ADGRL3: variants seen among roughly 807,000 people sequenced by gnomAD.
ADGRL3 encodes calcium-independent alpha-latrotoxin receptor 3.
A neutral mutation model predicts 153.5 loss-of-function variants in ADGRL3; 62 were observed. The ratio of observed to expected loss-of-function variants is 0.40; its 90% CI spans 0.33 to 0.50. The LOEUF is 0.50. Ranked by LOEUF, ADGRL3 falls within the 20% of genes least tolerant of loss-of-function variation. ADGRL3 has a pLI of 0.47. For missense variants in ADGRL3, 1,641 were observed against 1,859.4 expected, an observed-to-expected ratio of 0.88 and a Z score of 2.16; for synonymous variants, 710 against 672.5, an observed-to-expected ratio of 1.06 and a Z score of -0.86.
chr4:61,651,918 A>T (rs2150396529), intron 5 of ADGRL3, among the ~76,000 whole-genome samples: 1 of 152,058 alleles, frequency 6.6e-6, no homozygotes, highest in Non-Finnish European at 1.5e-5. Flanking sequence ...CCTGGCCCAA[A>T]ATAAATAACT....
intron 1 of ADGRL3, among the ~76,000 whole-genome samples, chr4:61,374,645 AG>A: frequency 6.6e-6 from 1 of 152,260 alleles, no homozygotes; most frequent in Non-Finnish European, 1.5e-5. Context: ...AAAAGGAGAA[AG>A]CAGAATGGCA....
At chr4:61,465,771 A>ATT (rs955576024) in intron 2 of ADGRL3, among the ~76,000 whole-genome samples, 1 of 145,986 alleles carries the variant, frequency 6.8e-6, no homozygotes, top group African/African-American at 2.5e-5. Context: ...ATATATATAT[A>ATT]TATATATCTT....
chr4:62,061,781 T>A (rs1740318534), intron 25 of ADGRL3, among the ~76,000 whole-genome samples: 1 of 152,020 alleles, frequency 6.6e-6, no homozygotes, highest in Admixed American at 6.6e-5. Context: ...AGTTTTTATG[T>A]GTATCAGTAG....
At chr4:61,880,516 T>C (rs1317189743) in intron 9 of ADGRL3, among the ~76,000 whole-genome samples, 2 of 152,164 alleles carry the variant, frequency 1.3e-5, no homozygotes, top group African/African-American at 2.4e-5. Flanking sequence ...CTTCTGAAAA[T>C]ATACTTTTCA....
chr4:62,027,657 A>G (rs982126621), intron 21 of ADGRL3, among the ~76,000 whole-genome samples: 3 of 151,892 alleles, frequency 2.0e-5, no homozygotes, highest in African/African-American at 7.2e-5. Flanking sequence ...TCTGGATGAG[A>G]AATTTTGTAT....
intron 25 of ADGRL3, among the ~76,000 whole-genome samples, chr4:62,063,171 TATGA>T (rs1298701322): frequency 6.6e-6 from 1 of 152,096 alleles, no homozygotes; most frequent in African/African-American, 2.4e-5. Flanking sequence ...GTTTTGTTTG[TATGA>T]ATGATTAGAT....
intron 4 of ADGRL3, among the ~76,000 whole-genome samples, chr4:61,534,251 G>A (rs1338720521): frequency 6.6e-6 from 1 of 152,054 alleles, no homozygotes; most frequent in Non-Finnish European, 1.5e-5. Flanking sequence ...AGATTAGTTG[G>A]TTGTCACTGT....
intron 13 of ADGRL3, among the ~76,000 whole-genome samples, chr4:61,916,274 A>G (rs2149902754): frequency 6.6e-6 from 1 of 152,322 alleles, no homozygotes; most frequent in East Asian, 1.9e-4. Flanking sequence ...TTTAATTTTA[A>G]TTGTAATTTT....
intron 4 of ADGRL3, among the ~76,000 whole-genome samples, chr4:61,541,540 G>A (rs1012362152): frequency 2.6e-5 from 4 of 151,862 alleles, no homozygotes; most frequent in Non-Finnish European, 5.9e-5. Context: ...TCTTCACTAA[G>A]GGGCATTTGG....
chr4:61,532,528 G>A (rs1055945340), intron 4 of ADGRL3, among the ~76,000 whole-genome samples: 3 of 105,730 alleles, frequency 2.8e-5, no homozygotes, highest in Non-Finnish European at 3.8e-5. Flanking sequence ...GCAGGATGCT[G>A]CATGCGCGCG....
intron 5 of ADGRL3, among the ~76,000 whole-genome samples, chr4:61,622,656 T>A (rs1002651547): frequency 1.3e-5 from 2 of 152,202 alleles, no homozygotes; most frequent in African/African-American, 4.8e-5. Context: ...CATTCTGGTG[T>A]GCACTTTATG....
At chr4:61,742,374 G>T (rs1182128459) in intron 8 of ADGRL3, among the ~76,000 whole-genome samples, 3 of 152,016 alleles carry the variant, frequency 2.0e-5, no homozygotes, top group Admixed American at 1.3e-4. Context: ...CGCCTCCCGG[G>T]TTCACACTAT....
At chr4:61,500,087 A>G (rs757762998) in intron 3 of ADGRL3, among the ~76,000 whole-genome samples, 4 of 150,432 alleles carry the variant, frequency 2.7e-5, no homozygotes, top group Non-Finnish European at 5.9e-5. Context: ...AATTCTTAGA[A>G]GTATTAAATC....
intron 1 of ADGRL3, among the ~76,000 whole-genome samples, chr4:61,280,576 C>T (rs1288369535): frequency 6.6e-6 from 1 of 151,912 alleles, no homozygotes; most frequent in African/African-American, 2.4e-5. Context: ...AAATTTCCTT[C>T]CCCAATGATA....
intron 17 of ADGRL3, among the ~76,000 whole-genome samples, chr4:61,970,190 G>T (rs1038058148): frequency 6.6e-6 from 1 of 152,062 alleles, no homozygotes; most frequent in African/African-American, 2.4e-5. Context: ...AGTACCTTAA[G>T]AAAATAAATA....
intron 10 of ADGRL3, 69 bp downstream of exon 10, chr4:61,893,027 T>C: frequency 1.0e-6 from 1 of 983,926 alleles, no homozygotes; most frequent in Non-Finnish European, 1.4e-6. Context: ...AGTATTCTTT[T>C]CCTTTTCCTT....
At chr4:61,306,300 G>A (rs1201331176) in intron 1 of ADGRL3, among the ~76,000 whole-genome samples, 6 of 151,752 alleles carry the variant, frequency 4.0e-5, no homozygotes, top group African/African-American at 7.3e-5. Flanking sequence ...GGGTTTCACC[G>A]TGTTAGCCAG....
intron 8 of ADGRL3, among the ~76,000 whole-genome samples, chr4:61,753,258 A>C (rs1368044535): frequency 1.3e-5 from 2 of 152,072 alleles, no homozygotes; most frequent in African/African-American, 2.4e-5. Context: ...AAGATGAAAA[A>C]GATAACTGGT....
intron 6 of ADGRL3, among the ~76,000 whole-genome samples, chr4:61,726,479 G>A (rs1053581484): frequency 3.3e-5 from 5 of 152,092 alleles, no homozygotes; most frequent in African/African-American, 9.6e-5. Flanking sequence ...GATTACAGGC[G>A]TGAGCCACCA....
Sources: gnomAD v4.1 joint callset for allele counts (sites outside exome capture counted in the v4.1 genomes callset) on GRCh38, gnomAD v4.1.1 for gene constraint, MANE v1.5 for transcripts, NCBI Gene and HGNC (gene_info 2026-07-23, HGNC 2026-07-21) for gene names.